Variants in WLS observed in about 807,000 individuals in gnomAD.
WLS encodes the protein Wnt ligand secretion mediator, also known as protein wntless homolog.
A neutral mutation model predicts 62.8 loss-of-function variants in WLS; 23 were observed. The ratio of observed to expected loss-of-function variants is 0.37; its 90% CI spans 0.26 to 0.52. The LOEUF is 0.52. WLS is among the 20% of genes least tolerant of loss of function. The pLI is 0.92. For missense variants in WLS, 615 were observed against 697.3 expected, an observed-to-expected ratio of 0.88 and a Z score of 1.33; for synonymous variants, 246 against 244.1, an observed-to-expected ratio of 1.01 and a Z score of -0.07.
chr1:68,174,766 C>A (rs1647207987), intron 2 of WLS, among the ~76,000 whole-genome samples: 1 of 152,172 alleles, frequency 6.6e-6, no homozygotes, highest in African/African-American at 2.4e-5. Flanking sequence ...CACACCTGCC[C>A]CGAATGCCAT....
chr1:68,127,926 A>C (rs1236458130), intron 11 of WLS, among the ~76,000 whole-genome samples: 1 of 152,110 alleles, frequency 6.6e-6, no homozygotes, highest in African/African-American at 2.4e-5. Flanking sequence ...TGTGCCACGC[A>C]GTATTAGTTT....
At chr1:68,189,416 C>T (rs1255481034) in intron 2 of WLS, among the ~76,000 whole-genome samples, 1 of 152,070 alleles carries the variant, frequency 6.6e-6, no homozygotes, top group Admixed American at 6.5e-5. Context: ...TTTTTTCTTT[C>T]ATTATTAATT....
intron 11 of WLS, chr1:68,117,757 T>A (rs1037295701): frequency 2.6e-5 from 4 of 152,200 alleles, no homozygotes; most frequent in Non-Finnish European, 5.9e-5. Flanking sequence ...AGCTTCTGGG[T>A]CTTGTTGGTG....
At chr1:68,153,108 G>C (rs1300919658) in intron 5 of WLS, among the ~76,000 whole-genome samples, 4 of 152,046 alleles carry the variant, frequency 2.6e-5, no homozygotes, top group East Asian at 1.9e-4. Flanking sequence ...GGGAAACCCT[G>C]TCTCTACAAA....
intron 1 of WLS, among the ~76,000 whole-genome samples, chr1:68,199,880 C>A (rs2100621319): frequency 6.6e-6 from 1 of 152,206 alleles, no homozygotes; most frequent in South Asian, 2.1e-4. Flanking sequence ...TGAAGAAGCT[C>A]CCCGTCCTAT....
intron 11 of WLS, among the ~76,000 whole-genome samples, chr1:68,126,781 C>G (rs893391537): frequency 2.6e-5 from 4 of 152,088 alleles, no homozygotes; most frequent in East Asian, 1.9e-4. Context: ...AGCAGGCCCA[C>G]AAGAGAGCTG....
chr1:68,215,468 CAA>C (rs1217763781), intron 1 of WLS, among the ~76,000 whole-genome samples: 1 of 152,086 alleles, frequency 6.6e-6, no homozygotes, highest in African/African-American at 2.4e-5. Flanking sequence ...GGCTAACATG[CAA>C]AGAGATAGAC....
chr1:68,217,533 G>A (rs1571028895), intron 1 of WLS, among the ~76,000 whole-genome samples: 1 of 152,300 alleles, frequency 6.6e-6, no homozygotes, highest in East Asian at 1.9e-4. Context: ...TGGGGGTGAT[G>A]TTTATGATCT....
chr1:68,231,778 T>C (rs1470505069), intron 1 of WLS: 1 of 471,982 alleles, frequency 2.1e-6, no homozygotes, highest in African/African-American at 2.1e-5. Context: ...CTGTTGTTCC[T>C]AATAAAGTCG....
At chr1:68,229,912 AG>A (rs1326000607) in intron 1 of WLS, among the ~76,000 whole-genome samples, 9 of 152,178 alleles carry the variant, frequency 5.9e-5, no homozygotes, top group African/African-American at 2.2e-4. Flanking sequence ...TTATTAATTG[AG>A]GGGAAGCTAG....
At chr1:68,225,701 A>G (rs1394098389) in intron 1 of WLS, among the ~76,000 whole-genome samples, 2 of 152,154 alleles carry the variant, frequency 1.3e-5, no homozygotes, top group South Asian at 2.1e-4. Flanking sequence ...ACTTCTCCGC[A>G]TGGGAAAAGA....
chr1:68,120,683 G>T (rs1284311240), downstream of WLS, among the ~76,000 whole-genome samples: 1 of 148,900 alleles, frequency 6.7e-6, no homozygotes, highest in Non-Finnish European at 1.5e-5. Flanking sequence ...ACACATCACT[G>T]CTGTTAAGTT....
intron 2 of WLS, among the ~76,000 whole-genome samples, chr1:68,186,948 A>G (rs1647981886): frequency 6.6e-6 from 1 of 152,064 alleles, no homozygotes; most frequent in Admixed American, 6.5e-5. Context: ...ATGGTAGCTC[A>G]CGCCTGTAAT....
chr1:68,155,364 C>T (rs1313944227), intron 3 of WLS, 104 bp from the exon 4 acceptor site: 1 of 1,378,802 alleles, frequency 7.3e-7, no homozygotes, highest in African/African-American at 1.4e-5. Context: ...GCAGCTAATG[C>T]TTAAAGGTAC....
chr1:68,198,139 T>C (rs1648779790), intron 1 of WLS, among the ~76,000 whole-genome samples: 2 of 152,146 alleles, frequency 1.3e-5, no homozygotes, highest in Admixed American at 6.5e-5. Flanking sequence ...AGTATAAGGT[T>C]TAACTGAAAA....
intron 2 of WLS, chr1:68,162,034 A>G: frequency 6.3e-7 from 1 of 1,592,910 alleles, no homozygotes; most frequent in South Asian, 1.1e-5. Flanking sequence ...ACAGTTTCTT[A>G]AGCTTTCTGG....
At chr1:68,099,434 A>G (rs1445573524) in intron 11 of WLS, among the ~76,000 whole-genome samples, 1 of 152,184 alleles carries the variant, frequency 6.6e-6, no homozygotes, top group Non-Finnish European at 1.5e-5. Context: ...GGAATACTTG[A>G]TCAGACACAC....
Position 68,129,093 on chromosome 1 carries a change from C to T in WLS, c.1517-2758G>A, listed in dbSNP as rs80229608. ...TAATCCCGGCACTTTGGGAGGCTGA[C>T]GGCGGCGGATCACTTGAGGTCAGGA... On this transcript the variant is annotated intron_variant, in intron 11 of 11. Coordinates refer to ENST00000262348, the MANE Select transcript of WLS (RefSeq NM_024911.7). 2.7e-3 allele frequency among the ~76,000 whole-genome samples: 416 copies of T among 152,158 alleles called. 2 individuals are homozygous for T. Among genetic ancestry groups the T allele is most frequent in the African/African-American group, 9.4e-3 (389 of 41,512 alleles).
intron 11 of WLS, among the ~76,000 whole-genome samples, chr1:68,107,403 AGAGT>A (rs1646162872): frequency 1.3e-5 from 2 of 152,186 alleles, no homozygotes; most frequent in African/African-American, 2.4e-5. Flanking sequence ...GAGGATAGAT[AGAGT>A]GACAAGAGTT....
Sources: gnomAD v4.1 joint callset for allele counts (sites outside exome capture counted in the v4.1 genomes callset) on GRCh38, gnomAD v4.1.1 for gene constraint, MANE v1.5 for transcripts, NCBI Gene and HGNC (gene_info 2026-07-23, HGNC 2026-07-21) for gene names.